Variants in DLEC1 observed in about 807,000 individuals in gnomAD.
The protein encoded by DLEC1 is deleted in lung and esophageal cancer protein 1.
In DLEC1, 146 loss-of-function variants were observed where a neutral mutation model predicts 198.1. The observed-to-expected ratio is 0.74, with a 90% CI of 0.64 to 0.85. DLEC1 has a LOEUF of 0.85. Among genes scored for constraint, DLEC1 ranks in the 40% least tolerant of loss-of-function variants. DLEC1 has a pLI of 0.00. For missense variants in DLEC1, 2,233 were observed against 2,220.0 expected, an observed-to-expected ratio of 1.01 and a Z score of -0.12; for synonymous variants, 897 against 866.8, an observed-to-expected ratio of 1.03 and a Z score of -0.61.
At chr3:38,065,099 G>C (rs1405696215) in intron 6 of DLEC1, among the ~76,000 whole-genome samples, 1 of 152,236 alleles carries the variant, frequency 6.6e-6, no homozygotes, top group Non-Finnish European at 1.5e-5. Flanking sequence ...CACCTCGGGA[G>C]GCTGAGGCTG....
At chr3:38,045,234 G>T (rs140026248) in intron 1 of DLEC1, among the ~76,000 whole-genome samples, 1 of 152,172 alleles carries the variant, frequency 6.6e-6, no homozygotes, top group Non-Finnish European at 1.5e-5. Context: ...GATCTGGGTG[G>T]CACCACAGGA....
At chr3:38,068,713 T>C (rs1458808842) in intron 6 of DLEC1, among the ~76,000 whole-genome samples, 1 of 152,196 alleles carries the variant, frequency 6.6e-6, no homozygotes, top group Admixed American at 6.5e-5. Flanking sequence ...CTGATACACC[T>C]GGACATATGG....
chr3:38,095,354 A>T, intron 13 of DLEC1: 4 of 462,640 alleles, frequency 8.6e-6, no homozygotes, highest in Non-Finnish European at 1.2e-5. Flanking sequence ...GGCAAAAAAC[A>T]TTACCATCCC....
chr3:38,057,847 C>T (rs1286804096), intron 2 of DLEC1, among the ~76,000 whole-genome samples: 4 of 147,308 alleles, frequency 2.7e-5, no homozygotes, highest in South Asian at 2.2e-4. Flanking sequence ...GACAGAGTCT[C>T]GCTCTGTTGC....
chr3:38,122,200 G>T lies in DLEC1; in HGVS notation c.5144+6G>T, dbSNP rs981650180. Reference sequence around the variant, plus strand: ...CAGGTTTTCTTCACTGCCAGGTGCAGCCCCTTCCAACCTTCCCCAAACTGC... The same window carrying T: ...CAGGTTTTCTTCACTGCCAGGTGCATCCCCTTCCAACCTTCCCCAAACTGC... On this transcript the variant is annotated splice_donor_region_variant and intron_variant, in intron 36 of 36. Coordinates refer to ENST00000308059, the MANE Select transcript of DLEC1 (RefSeq NM_007335.4). The T allele has an allele frequency of 2.5e-6, 4 of 1,613,336 alleles. No homozygotes were observed. In the African/African-American group the frequency reaches 5.3e-5, roughly 22 times the overall value.
chr3:38,096,535 G>A, intron 14 of DLEC1, 34 bp from the exon 15 acceptor site: 2 of 1,593,576 alleles, frequency 1.3e-6, no homozygotes, highest in Non-Finnish European at 1.7e-6. Flanking sequence ...TTCCAGGTGT[G>A]CCGGCTCCTA....
intron 13 of DLEC1, chr3:38,095,360 A>C: frequency 1.2e-5 from 5 of 431,430 alleles, no homozygotes; most frequent in Non-Finnish European, 2.1e-5. Context: ...AAACATTACC[A>C]TCCCCACCCA....
intron 35 of DLEC1, 26 bp from the exon 36 acceptor site, chr3:38,122,045 T>C (rs781421808): frequency 6.2e-7 from 1 of 1,612,034 alleles, no homozygotes. Context: ...CCTGCACTCA[T>C]GTGTCTTCCC....
chr3:38,080,688 A>G (rs936353496), intron 6 of DLEC1, among the ~76,000 whole-genome samples: 9 of 152,104 alleles, frequency 5.9e-5, no homozygotes, highest in Non-Finnish European at 1.2e-4. Flanking sequence ...GTTCTTGAGA[A>G]CACAGGCTAA....
In DLEC1 at chr3:38,122,450, A is replaced by C; in HGVS notation, c.*38A>C. 1.2e-6 allele frequency: 2 copies of C among 1,613,986 alleles called. No individual in the cohort carries two copies. The highest frequency in any genetic ancestry group is 1.7e-6 in the Non-Finnish European group (2 of 1,180,000). On this transcript the variant is annotated 3_prime_UTR_variant, in exon 37 of 37. Transcript: ENST00000308059. ...GCCCTCAGCCCCAGGCCCCAGCTGG[A>C]GAAAAAACATTGCCCAGGGATTAGG...
chr3:38,103,237 A>G, intron 19 of DLEC1: 1 of 152,222 alleles, frequency 6.6e-6, no homozygotes, highest in East Asian at 1.9e-4. Flanking sequence ...ATCATGTGAT[A>G]TTTGACTTCT....
At chr3:38,109,392 C>T (rs1224478038) in intron 21 of DLEC1, 40 bp from the exon 22 acceptor site, 2 of 1,612,272 alleles carry the variant, frequency 1.2e-6, no homozygotes, top group East Asian at 2.2e-5. Flanking sequence ...TCTTCAGAGG[C>T]CCCAGGCCTG....
At position 38,059,077 on chromosome 3, in the gene DLEC1, C is replaced by T. The variant is rs146399392; in HGVS notation, c.563-665C>T. ...CCATAGACGTTAATTATCACCTTTCCTCTCTTGAGATTTTCTCTCTCCTGT... is the reference window on the plus strand; with the variant it reads ...CCATAGACGTTAATTATCACCTTTCTTCTCTTGAGATTTTCTCTCTCCTGT... On this transcript the variant is annotated intron_variant, in intron 2 of 36. Coordinates refer to ENST00000308059, the MANE Select transcript of DLEC1 (RefSeq NM_007335.4). 2.4e-4 allele frequency among the ~76,000 whole-genome samples: 37 copies of T among 152,250 alleles called. No individual in the cohort carries two copies. In the East Asian group the frequency reaches 3.9e-3, roughly 16 times the overall value.
intron 2 of DLEC1, among the ~76,000 whole-genome samples, chr3:38,054,745 T>A (rs1440779353): frequency 6.6e-6 from 1 of 152,200 alleles, no homozygotes; most frequent in African/African-American, 2.4e-5. Context: ...GGTGGGTGGC[T>A]GCTCCCAGCA....
chr3:38,104,463 C>G (rs551899202), intron 19 of DLEC1, among the ~76,000 whole-genome samples: 2 of 152,144 alleles, frequency 1.3e-5, no homozygotes, highest in South Asian at 4.1e-4. Context: ...TATGCCCCAC[C>G]CCATCCCCCC....
rs74704301 is a variant in DLEC1 at position 38,084,389 on chromosome 3, GGTAGTA to G, written c.1261+153_1261+158del. 34 of 520,708 alleles carry G rather than the reference GGTAGTA, an allele frequency of 6.5e-5. 1 individual carries two copies. In the East Asian group the frequency reaches 1.1e-3, roughly 17 times the overall value. 32.3% of individuals were successfully genotyped at this position (520,708 alleles called of 1,614,324 possible). A position where few individuals can be genotyped will look rare whatever the true frequency, so the allele number is the denominator to read the frequency against. On this transcript the variant is annotated intron_variant, in intron 7 of 36. Transcript: ENST00000308059. The stretch of plus-strand genomic sequence containing the variant: ...TAGTAGTAGTGATGGTGGTAGTAGT[GGTAGTA>G]GTAGTAGTGGTGGTGGTAGTAGTAG...
chr3:38,081,013 G>A (rs1253210230), intron 6 of DLEC1, among the ~76,000 whole-genome samples: 1 of 132,456 alleles, frequency 7.5e-6, no homozygotes, highest in Non-Finnish European at 1.6e-5. Context: ...GATTGGTGAT[G>A]ACTCTTAACG....
At chr3:38,110,048 C>T in intron 22 of DLEC1, 51 bp from the exon 23 acceptor site, 1 of 1,595,604 alleles carries the variant, frequency 6.3e-7, no homozygotes, top group Non-Finnish European at 8.5e-7. Flanking sequence ...CTGGGCAGGG[C>T]CAAGGGTGGT....
At chr3:38,104,664 A>G (rs1190551333) in intron 19 of DLEC1, among the ~76,000 whole-genome samples, 1 of 152,106 alleles carries the variant, frequency 6.6e-6, no homozygotes, top group Non-Finnish European at 1.5e-5. Flanking sequence ...TCTAATTTGA[A>G]TCTTCAGCAA....
Sources: allele counts gnomAD v4.1 joint callset (sites outside exome capture counted in the v4.1 genomes callset), GRCh38; gene constraint gnomAD v4.1.1; transcripts MANE v1.5; gene names NCBI Gene and HGNC (gene_info 2026-07-23, HGNC 2026-07-21).